Variants in RIT2 observed in about 807,000 individuals in gnomAD.
RIT2 encodes the protein GTP-binding protein Rit2.
In RIT2, 24 loss-of-function variants were observed where a neutral mutation model predicts 23.7. That is an observed-to-expected ratio of 1.01 (90% CI 0.73 to 1.43). RIT2 has a LOEUF of 1.43. Ranked by LOEUF, RIT2 falls within the 40% of genes most tolerant of loss-of-function variation. RIT2 has a pLI of 0.00. For synonymous variants in RIT2, 107 were observed against 91.1 expected (o/e 1.17, Z -0.99); for missense variants, 236 against 266.9 (o/e 0.88, Z 0.81).
chr18:42,759,941 C>G (rs1167984057), intron 4 of RIT2, among the ~76,000 whole-genome samples: 3 of 151,970 alleles, frequency 2.0e-5, no homozygotes, highest in African/African-American at 7.2e-5. Context: ...CCACGCATAG[C>G]AAATTTTGTA....
chr18:42,878,118 T>C lies in RIT2; in HGVS notation c.426+45454A>G, dbSNP rs894723281. On this transcript the variant is annotated intron_variant, in intron 4 of 4. Coordinates refer to ENST00000326695, the MANE Select transcript of RIT2 (RefSeq NM_002930.4). ...TACACACACATATATATATATATAATATATATACACATATAGTTGACCCTT... is the reference window on the plus strand; with the variant it reads ...TACACACACATATATATATATATAACATATATACACATATAGTTGACCCTT... 1.2e-4 allele frequency among the ~76,000 whole-genome samples: 18 copies of C among 150,464 alleles called. No homozygotes were observed. The Admixed American group carries it at 1.2e-3, about 10-fold the overall frequency.
intron 4 of RIT2, among the ~76,000 whole-genome samples, chr18:42,813,802 A>G (rs889564952): frequency 1.3e-5 from 2 of 152,190 alleles, no homozygotes; most frequent in African/African-American, 4.8e-5. Flanking sequence ...GAACGACTGT[A>G]AAAATAAGTC....
chr18:43,075,048 TTAAAA>T (rs529011657), intron 1 of RIT2, among the ~76,000 whole-genome samples: 16 of 152,120 alleles, frequency 1.1e-4, no homozygotes, highest in Non-Finnish European at 2.1e-4. Flanking sequence ...ACCCTGGAAC[TTAAAA>T]TAAAATAAAA....
chr18:42,957,128 A>C (rs1909990902), intron 3 of RIT2, among the ~76,000 whole-genome samples: 1 of 152,182 alleles, frequency 6.6e-6, no homozygotes, highest in South Asian at 2.1e-4. Context: ...TTACATATTC[A>C]CTTAAAACAC....
At chr18:43,091,996 C>T (rs1033289815) in intron 1 of RIT2, among the ~76,000 whole-genome samples, 1 of 152,096 alleles carries the variant, frequency 6.6e-6, no homozygotes, top group Middle Eastern at 3.4e-3. Context: ...TTTATCATTC[C>T]ATATATATTA....
chr18:42,907,247 G>A (rs562296232), intron 4 of RIT2, among the ~76,000 whole-genome samples: 1 of 152,036 alleles, frequency 6.6e-6, no homozygotes, highest in African/African-American at 2.4e-5. Flanking sequence ...CAAGTGTAGA[G>A]GTCACAAGAA....
At chr18:43,092,266 G>C (rs1913440023) in intron 1 of RIT2, among the ~76,000 whole-genome samples, 3 of 152,058 alleles carry the variant, frequency 2.0e-5, no homozygotes, top group Admixed American at 2.0e-4. Context: ...CAAAAGAGAG[G>C]CTTATGGAGT....
At chr18:42,943,455 A>G (rs1317421087) in intron 3 of RIT2, among the ~76,000 whole-genome samples, 8 of 152,090 alleles carry the variant, frequency 5.3e-5, no homozygotes, top group Admixed American at 5.2e-4. Context: ...AGTAGGAGGT[A>G]CTGCTGACAA....
intron 1 of RIT2, among the ~76,000 whole-genome samples, chr18:43,040,140 C>T (rs1912094293): frequency 1.3e-5 from 2 of 152,138 alleles, no homozygotes; most frequent in Admixed American, 6.5e-5. Context: ...TGAGCATCTA[C>T]TGTGTGCTAG....
chr18:42,949,613 T>C (rs1038289826), intron 3 of RIT2, among the ~76,000 whole-genome samples: 3 of 152,082 alleles, frequency 2.0e-5, no homozygotes, highest in African/African-American at 4.8e-5. Context: ...TATACAAGTA[T>C]GAGAAATCTC....
intron 4 of RIT2, among the ~76,000 whole-genome samples, chr18:42,892,236 C>T (rs1360162149): frequency 6.6e-6 from 1 of 152,108 alleles, no homozygotes; most frequent in Non-Finnish European, 1.5e-5. Context: ...AGTATATATT[C>T]TCCTTTGCAC....
chr18:42,788,891 C>A lies in RIT2; in HGVS notation c.427-45171G>T, dbSNP rs577902667. Among the ~76,000 whole-genome samples, 3 of 152,250 alleles carry A rather than the reference C, an allele frequency of 2.0e-5. No individual in the cohort carries two copies. The East Asian group carries it at 5.8e-4, about 29-fold the overall frequency. Reference sequence around the variant, plus strand: ...CCCAAGTGCTTTTCCTGTGGACAACCATGTAACATCAGTATGGGGCAGAAC... The same window carrying A: ...CCCAAGTGCTTTTCCTGTGGACAACAATGTAACATCAGTATGGGGCAGAAC... On this transcript the variant is annotated intron_variant, in intron 4 of 4. Coordinates refer to ENST00000326695, the MANE Select transcript of RIT2 (RefSeq NM_002930.4).
intron 2 of RIT2, among the ~76,000 whole-genome samples, chr18:42,997,418 GA>G (rs201843866): frequency 2.7e-5 from 4 of 149,056 alleles, no homozygotes; most frequent in Non-Finnish European, 4.5e-5. Context: ...AGAAAGAAAA[GA>G]AAAAAAACAA....
At chr18:42,790,429 C>T (rs1432594001) in intron 4 of RIT2, among the ~76,000 whole-genome samples, 1 of 152,110 alleles carries the variant, frequency 6.6e-6, no homozygotes, top group South Asian at 2.1e-4. Context: ...ACGAAAATAC[C>T]TTAATTTACT....
chr18:42,945,253 T>C (rs1017586203), intron 3 of RIT2, among the ~76,000 whole-genome samples: 2 of 152,146 alleles, frequency 1.3e-5, no homozygotes, highest in Non-Finnish European at 2.9e-5. Flanking sequence ...ATTCACTTAA[T>C]TAAACTGTTC....
chr18:42,927,720 C>A (rs1909218759), intron 3 of RIT2, among the ~76,000 whole-genome samples: 1 of 151,862 alleles, frequency 6.6e-6, no homozygotes, highest in Non-Finnish European at 1.5e-5. Flanking sequence ...GAAACAGACC[C>A]TTTGTATAAA....
At chr18:42,882,914 T>C (rs1285763496) in intron 4 of RIT2, among the ~76,000 whole-genome samples, 1 of 152,190 alleles carries the variant, frequency 6.6e-6, no homozygotes, top group African/African-American at 2.4e-5. Context: ...TTATATAACA[T>C]CTGGCAGTAA....
Position 42,936,683 on chromosome 18 carries a change from C to T in RIT2, c.235-12920G>A, listed in dbSNP as rs77140906. Among the ~76,000 whole-genome samples the T allele has an allele frequency of 6.6e-3, 1,009 of 152,162 alleles. 8 individuals carry two copies. The highest frequency in any genetic ancestry group is 0.018 in the East Asian group (93 of 5,162). On this transcript the variant is annotated intron_variant, in intron 3 of 4. Coordinates refer to ENST00000326695, the MANE Select transcript of RIT2 (RefSeq NM_002930.4). ...ATACTACATGTGGCATTCTTTACTC[C>T]GCCTTCATATCACGGTGAGTACATG...
intron 2 of RIT2, among the ~76,000 whole-genome samples, chr18:43,010,500 GA>G (rs1002317506): frequency 1.3e-4 from 20 of 151,870 alleles, no homozygotes; most frequent in African/African-American, 4.8e-4. Context: ...AATCTAGAAA[GA>G]AAATGATTGT....
Sources: gnomAD v4.1 joint callset for allele counts (sites outside exome capture counted in the v4.1 genomes callset) on GRCh38, gnomAD v4.1.1 for gene constraint, MANE v1.5 for transcripts, NCBI Gene and HGNC (gene_info 2026-07-23, HGNC 2026-07-21) for gene names.